Variants in C10orf143 observed in about 807,000 individuals in gnomAD.
C10orf143 encodes the protein uncharacterized protein C10orf143.
intron 3 of C10orf143, among the ~76,000 whole-genome samples, chr10:130,073,873 C>G (rs1443035840): frequency 1.3e-5 from 2 of 152,144 alleles, no homozygotes; most frequent in Non-Finnish European, 2.9e-5. Context: ...GATGCTAAAT[C>G]TGAAGATTTT....
At chr10:130,041,871 A>G (rs1233006789) in intron 3 of C10orf143, among the ~76,000 whole-genome samples, 2 of 151,978 alleles carry the variant, frequency 1.3e-5, no homozygotes, top group Non-Finnish European at 2.9e-5. Context: ...ATACTCTCAC[A>G]TGAACACGTG....
chr10:130,079,148 C>T (rs1435946532), intron 3 of C10orf143, among the ~76,000 whole-genome samples: 2 of 152,118 alleles, frequency 1.3e-5, no homozygotes, highest in Non-Finnish European at 2.9e-5. Flanking sequence ...CTTCTGAAAT[C>T]TGTGATTTAT....
intron 3 of C10orf143, among the ~76,000 whole-genome samples, chr10:130,076,149 G>C (rs765858590): frequency 3.9e-5 from 6 of 152,142 alleles, no homozygotes; most frequent in Non-Finnish European, 5.9e-5. Context: ...GTTCTTTATA[G>C]CGATGTGAAA....
intron 3 of C10orf143, among the ~76,000 whole-genome samples, chr10:130,077,384 C>G (rs1590020620): frequency 6.6e-6 from 1 of 152,278 alleles, no homozygotes; most frequent in East Asian, 1.9e-4. Context: ...CTACGAAGGT[C>G]AAAAATACAC....
chr10:130,098,482 C>T (rs970718355), intron 1 of C10orf143, among the ~76,000 whole-genome samples: 13 of 152,214 alleles, frequency 8.5e-5, no homozygotes, highest in African/African-American at 3.1e-4. Context: ...TTTCCCTAAA[C>T]AAAGATGTTT....
intron 1 of C10orf143, among the ~76,000 whole-genome samples, chr10:130,090,578 T>C (rs1477740523): frequency 2.0e-5 from 3 of 151,978 alleles, no homozygotes; most frequent in African/African-American, 7.2e-5. Flanking sequence ...TTCACTCCCC[T>C]GGAAAGGGGG....
rs1267433489 is a variant in C10orf143, at chr10:130,101,865, C to CAAAAAAAAAAAAAA, written c.69+8825_69+8838dup. 1.7e-4 allele frequency among the ~76,000 whole-genome samples: 8 copies of CAAAAAAAAAAAAAA among 47,730 alleles called. 2 individuals are homozygous for CAAAAAAAAAAAAAA. Among genetic ancestry groups the CAAAAAAAAAAAAAA allele is most frequent in the African/African-American group, 6.6e-4 (5 of 7,568 alleles). The allele number at this position is 47,730 out of a possible 152,430, so 31.3% of individuals were successfully genotyped here. ...ACTCTGTCTCAAAAAAAAAAAAAAC[C>CAAAAAAAAAAAAAA]AAAAAAAAAAAAAAAAAAAACTTTT... On this transcript the variant is annotated intron_variant, in intron 1 of 3. Transcript: ENST00000637128.
At chr10:130,093,284 G>C (rs1272570116) in intron 1 of C10orf143, among the ~76,000 whole-genome samples, 1 of 152,114 alleles carries the variant, frequency 6.6e-6, no homozygotes, top group Non-Finnish European at 1.5e-5. Context: ...ACAACTACAT[G>C]GAAACTGAAC....
At chr10:130,068,611 C>CAAAAAAAAAA (rs71007586) in intron 3 of C10orf143, 1 of 71,046 alleles carries the variant, frequency 1.4e-5, no homozygotes, top group Non-Finnish European at 2.5e-5. Context: ...AACTCCATCT[C>CAAAAAAAAAA]AAAAAAAAAA....
rs139806960 is a variant in C10orf143 at position 130,052,467 on chromosome 10, A to G, written c.298-16497T>C. 5.8e-4 allele frequency among the ~76,000 whole-genome samples: 89 copies of G among 152,234 alleles called. 1 individual carries two copies. Among genetic ancestry groups the G allele is most frequent in the Non-Finnish European group, 1.1e-3 (75 of 68,012 alleles). ...ACCCAGAAGCATCCCCGGGATAGTT[A>G]CTGCCCCCAGATGACACAGCCAGGA... On this transcript the variant is annotated intron_variant and NMD_transcript_variant, in intron 3 of 5. Coordinates refer to the C10orf143 transcript ENST00000643056.
chr10:130,059,836 C>CACAAA (rs1307314056), downstream of C10orf143, among the ~76,000 whole-genome samples: 5 of 152,088 alleles, frequency 3.3e-5, no homozygotes, highest in Admixed American at 2.6e-4. Flanking sequence ...AGTTGTAAAA[C>CACAAA]ACAAAACAAA....
intron 1 of C10orf143, among the ~76,000 whole-genome samples, chr10:130,099,510 T>TTTTATTTATTTATTTATTTA (rs140538908): frequency 1.3e-5 from 2 of 148,548 alleles, no homozygotes; most frequent in African/African-American, 5.0e-5. Context: ...CTTCTTTTAT[T>TTTTATTTATTTATTTATTTA]TTTATTTATT....
chr10:130,052,984 T>C (rs1250152694), intron 3 of C10orf143, among the ~76,000 whole-genome samples: 1 of 152,216 alleles, frequency 6.6e-6, no homozygotes, highest in Non-Finnish European at 1.5e-5. Flanking sequence ...TTCTATGAAT[T>C]GTGTATACAG....
rs531070095 is a variant in C10orf143, at chr10:130,036,788, C to T, written c.298-818G>A. 2.6e-5 allele frequency among the ~76,000 whole-genome samples: 4 copies of T among 152,242 alleles called. No individual in the cohort carries two copies. The South Asian group carries it at 6.2e-4, about 24-fold the overall frequency. The stretch of plus-strand genomic sequence containing the variant: ...CCTGTGCTCCTTTCTCTCCAGAGGA[C>T]GCTGGGTGCTGGGCGCAAGTTCCTA... On this transcript the variant is annotated intron_variant and NMD_transcript_variant, in intron 3 of 5. Transcript: ENST00000643056.
chr10:130,084,154 CA>C (rs1013453430), intron 1 of C10orf143, among the ~76,000 whole-genome samples: 24 of 148,076 alleles, frequency 1.6e-4, no homozygotes, highest in African/African-American at 4.2e-4. Context: ...ACTAAAAATA[CA>C]AAAAAAAAAT....
At chr10:130,047,831 G>C (rs1036845618) in intron 3 of C10orf143, among the ~76,000 whole-genome samples, 5 of 135,754 alleles carry the variant, frequency 3.7e-5, no homozygotes, top group African/African-American at 1.4e-4. Flanking sequence ...TTTCCATAAA[G>C]ACCCACTGGA....
At chr10:130,067,033 GTTT>G (rs2134748346) in intron 3 of C10orf143, 1 of 152,348 alleles carries the variant, frequency 6.6e-6, no homozygotes, top group East Asian at 1.9e-4. Context: ...TGAAGAGGGA[GTTT>G]TTATTTGCTT....
intron 1 of C10orf143, chr10:130,107,798 A>G: frequency 8.0e-7 from 1 of 1,246,996 alleles, no homozygotes; most frequent in Non-Finnish European, 1.2e-6. Context: ...CGATCCTCAC[A>G]GGTCTCCTTC....
Position 130,045,951 on chromosome 10 carries a change from G to T in C10orf143, c.298-9981C>A, listed in dbSNP as rs1190671366. Among the ~76,000 whole-genome samples, 8 of 152,234 alleles carry T rather than the reference G, an allele frequency of 5.3e-5. No individual in the cohort carries two copies. The East Asian group carries it at 1.6e-3, about 30-fold the overall frequency. On this transcript the variant is annotated intron_variant and NMD_transcript_variant, in intron 3 of 5. Transcript: ENST00000643056. ...TTCCGAGTACGCGACCTCACCTGCC[G>T]GGCGTGAGGTGCTGGACTGAGACCA...
Sources: gnomAD v4.1 joint callset for allele counts (sites outside exome capture counted in the v4.1 genomes callset) on GRCh38, gnomAD v4.1.1 for gene constraint, MANE v1.5 for transcripts, NCBI Gene and HGNC (gene_info 2026-07-23, HGNC 2026-07-21) for gene names.